ZNF26: variants seen among roughly 807,000 people sequenced by gnomAD.
ZNF26 encodes the protein zinc finger protein 26, also known as epididymis luminal protein 179.
In ZNF26, 32 loss-of-function variants were observed where a neutral mutation model predicts 54.9. The observed-to-expected ratio is 0.58, with a 90% CI of 0.44 to 0.78. The LOEUF (loss-of-function observed/expected upper bound fraction) is 0.78, where lower values mean the gene tolerates loss of function less well. Among genes scored for constraint, ZNF26 ranks in the 30% least tolerant of loss-of-function variants. The pLI, the probability that ZNF26 is intolerant of heterozygous loss-of-function variation, is 0.00. For missense variants in ZNF26, 524 were observed against 634.0 expected (o/e 0.83, Z 1.86); for synonymous variants, 221 against 209.2 (o/e 1.06, Z -0.49).
rs1388740685 is a variant in ZNF26, at chr12:133,023,355, A to G, written c.*11874A>G. ...ATGGATGTCCAATAAAATTTTAGCA[A>G]ACATTAAGGACTTGATTATCATTAT... On this transcript the variant is annotated 3_prime_UTR_variant, in exon 4 of 4. Transcript: ENST00000328654. The G allele has an allele frequency of 1.3e-5, 2 of 152,240 alleles. No individual in the cohort carries two copies. Among genetic ancestry groups the G allele is most frequent in the African/African-American group, 4.8e-5 (2 of 41,474 alleles). 9.4% of individuals were successfully genotyped at this position (152,240 alleles called of 1,614,324 possible).
At chr12:132,991,354 C>G (rs1043932300) in intron 1 of ZNF26, among the ~76,000 whole-genome samples, 5 of 151,114 alleles carry the variant, frequency 3.3e-5, no homozygotes, top group African/African-American at 1.2e-4. Context: ...AAGTTAGCGC[C>G]GGGCATGGTG....
Position 133,007,044 on chromosome 12 carries a change from A to G in ZNF26, c.36A>G (p.Gly12=). 1 of 1,614,114 alleles carries G rather than the reference A, an allele frequency of 6.2e-7. No homozygotes were observed. The highest frequency in any genetic ancestry group is 8.5e-7 in the Non-Finnish European group (1 of 1,179,998). ...GAACAGGGTGTGTGTTATTTCAGGG[A>G]TTATTGTCATTCAAGGATATATCTA... ...ATSFRTASCW[G]LLSFKDISME... Residue 12 remains glycine (G), a splice_region_variant and synonymous_variant, in exon 2 of 4, where the codon GGA becomes GGG. Transcript: ENST00000328654.
At position 133,012,604 on chromosome 12, in the gene ZNF26, T is replaced by TTTTTTTTTTTTTTTTTTTTTTC. The variant is rs1953505751; in HGVS notation, c.*1128_*1129insTTTTTTTTTTTTTTTTCTTTTT. 2.2e-5 allele frequency: 3 copies of TTTTTTTTTTTTTTTTTTTTTTC among 137,892 alleles called. 1 individual carries two copies. The highest frequency in any genetic ancestry group is 8.4e-5 in the African/African-American group (3 of 35,620). The allele number at this position is 137,892 out of a possible 1,614,324, so 8.5% of individuals were successfully genotyped here. A position where few individuals can be genotyped will look rare whatever the true frequency, so the allele number is the denominator to read the frequency against. On this transcript the variant is annotated 3_prime_UTR_variant, in exon 4 of 4. Transcript: ENST00000328654. ...TTTTTTTTTTTTTTTTTTTTTTTTTTTTTTTGAGACTAAGTTTCACTCTTG... is the reference window on the plus strand; with the variant it reads ...TTTTTTTTTTTTTTTTTTTTTTTTTTTTTTTTTTTTTTTTTTTTTTTCTTTTTGAGACTAAGTTTCACTCTTG...
At position 133,001,556 on chromosome 12, in the gene ZNF26, ATTCT is replaced by A. The variant is rs1953219152; in HGVS notation, c.34-5481_34-5478del. 3 of 823,416 alleles carry A rather than the reference ATTCT, an allele frequency of 3.6e-6. No individual in the cohort carries two copies. Among genetic ancestry groups the A allele is most frequent in the Middle Eastern group, 3.3e-4 (1 of 3,056 alleles). 51.0% of individuals were successfully genotyped at this position (823,416 alleles called of 1,614,324 possible). A position where few individuals can be genotyped will look rare whatever the true frequency, so the allele number is the denominator to read the frequency against. On this transcript the variant is annotated intron_variant, in intron 1 of 3. Coordinates refer to ENST00000328654, the MANE Select transcript of ZNF26 (RefSeq NM_019591.4). This position sits in a 1 kb window ranked among gnomAD's most constrained non-coding sequence, Gnocchi z 4.7. ...GCCCTGCAGTTCCATGGTGTATGTGATTCTTTCTCTCACTGCATGCAGACTCACC... is the reference window on the plus strand; with the variant it reads ...GCCCTGCAGTTCCATGGTGTATGTGATTCTCTCACTGCATGCAGACTCACC...
intron 1 of ZNF26, among the ~76,000 whole-genome samples, chr12:133,002,473 G>A (rs945573029): frequency 2.6e-5 from 4 of 151,934 alleles, no homozygotes; most frequent in Non-Finnish European, 5.9e-5. Flanking sequence ...CAGTCAGAGC[G>A]AGAAGCCTTT....
At position 132,986,682 on chromosome 12, in the gene ZNF26, G is replaced by C; in HGVS notation, c.-159G>C. The C allele has an allele frequency of 1.4e-6, 1 of 693,740 alleles. No homozygotes were observed. Among genetic ancestry groups the C allele is most frequent in the South Asian group, 1.8e-5 (1 of 55,938 alleles). The allele number at this position is 693,740 out of a possible 1,614,324, so 43.0% of individuals were successfully genotyped here. A position where few individuals can be genotyped will look rare whatever the true frequency, so the allele number is the denominator to read the frequency against. On this transcript the variant is annotated 5_prime_UTR_variant, in exon 1 of 4. Coordinates refer to ENST00000328654, the MANE Select transcript of ZNF26 (RefSeq NM_019591.4). The stretch of plus-strand genomic sequence containing the variant: ...CACGCGCGGTCTGTGTTGGGCGAGA[G>C]CTGAGGAGCCGGCGTCCCTGCCAAC...
Position 132,986,821 on chromosome 12 carries a change from G to T in ZNF26, c.-20G>T, listed in dbSNP as rs779136192. The T allele has an allele frequency of 2.8e-5, 45 of 1,600,426 alleles. No individual in the cohort carries two copies. Among genetic ancestry groups the T allele is most frequent in the Non-Finnish European group, 3.3e-5 (39 of 1,173,586 alleles). ...CGCGGGTCCTGCCCCCGCAGGCAGC[G>T]CGCGAACGTGGGCGTGGGGATGGCC... On this transcript the variant is annotated 5_prime_UTR_variant, in exon 1 of 4. Coordinates refer to ENST00000328654, the MANE Select transcript of ZNF26 (RefSeq NM_019591.4).
chr12:133,002,429 C>T (rs1365244157), intron 1 of ZNF26, among the ~76,000 whole-genome samples: 2 of 152,126 alleles, frequency 1.3e-5, no homozygotes, highest in Non-Finnish European at 2.9e-5. Flanking sequence ...AACCCCCTCC[C>T]TCTTCCACAG....
chr12:132,986,796 C>T lies in ZNF26; in HGVS notation c.-45C>T, dbSNP rs1389004023. The T allele has an allele frequency of 6.3e-7, 1 of 1,575,988 alleles. No individual in the cohort carries two copies. Among genetic ancestry groups the T allele is most frequent in the Non-Finnish European group, 8.6e-7 (1 of 1,159,994 alleles). ...CATCCCTCACGGTCTCTCCGCAGCCCGCGGGTCCTGCCCCCGCAGGCAGCG... is the reference window on the plus strand; with the variant it reads ...CATCCCTCACGGTCTCTCCGCAGCCTGCGGGTCCTGCCCCCGCAGGCAGCG... On this transcript the variant is annotated 5_prime_UTR_variant, in exon 1 of 4. Coordinates refer to ENST00000328654, the MANE Select transcript of ZNF26 (RefSeq NM_019591.4).
Position 133,016,105 on chromosome 12 carries a change from CTG to C in ZNF26, c.*4628_*4629del. 1 of 138,008 alleles carries C rather than the reference CTG, an allele frequency of 7.2e-6. No homozygotes were observed. The highest frequency in any genetic ancestry group is 2.3e-4 in the East Asian group (1 of 4,346). 8.5% of individuals were successfully genotyped at this position (138,008 alleles called of 1,614,324 possible). A position where few individuals can be genotyped will look rare whatever the true frequency, so the allele number is the denominator to read the frequency against. On this transcript the variant is annotated 3_prime_UTR_variant, in exon 4 of 4. Coordinates refer to ENST00000328654, the MANE Select transcript of ZNF26 (RefSeq NM_019591.4). Reference sequence around the variant, plus strand: ...TTTTTTTTTTTGAGACAGAGTCTCACTGTGTCACCCATGCTGGAGTGCAGTGG... The same window carrying C: ...TTTTTTTTTTTGAGACAGAGTCTCACTGTCACCCATGCTGGAGTGCAGTGG...
chr12:132,991,369 A>G (rs1476845440), intron 1 of ZNF26, among the ~76,000 whole-genome samples: 1 of 151,708 alleles, frequency 6.6e-6, no homozygotes, highest in African/African-American at 2.4e-5. Flanking sequence ...ATGGTGGCAC[A>G]CACCTGTAAT....
chr12:132,991,476 C>T (rs995721076), intron 1 of ZNF26, among the ~76,000 whole-genome samples: 15 of 150,706 alleles, frequency 1.0e-4, no homozygotes, highest in Non-Finnish European at 2.1e-4. Flanking sequence ...CCAGCCCGGG[C>T]GACAGAGCGA....
intron 1 of ZNF26, 53 bp downstream of exon 1, chr12:132,986,926 C>T: frequency 6.4e-7 from 1 of 1,554,406 alleles, no homozygotes; most frequent in Non-Finnish European, 8.8e-7. Context: ...AGGGTGGCCA[C>T]GTTAATCTCT....
chr12:133,000,455 C>T (rs1414207119), intron 1 of ZNF26, among the ~76,000 whole-genome samples: 3 of 127,392 alleles, frequency 2.4e-5, no homozygotes, highest in Non-Finnish European at 3.2e-5. Flanking sequence ...GATGGAATCT[C>T]GCTCTGTCAC....
chr12:133,007,224 T>G (rs1420439136), intron 2 of ZNF26, 56 bp downstream of exon 2: 2 of 1,593,706 alleles, frequency 1.3e-6, no homozygotes, highest in Middle Eastern at 1.7e-4. Context: ...GCCATCCCTT[T>G]TTTTGTTGTT....
At chr12:133,002,914 A>G (rs1408158768) in intron 1 of ZNF26, among the ~76,000 whole-genome samples, 1 of 151,954 alleles carries the variant, frequency 6.6e-6, no homozygotes, top group Non-Finnish European at 1.5e-5. Flanking sequence ...GTGAATCACC[A>G]TGCCCAGCCT....
chr12:132,991,355 G>A (rs115919505), intron 1 of ZNF26, among the ~76,000 whole-genome samples: 4,559 of 151,432 alleles, frequency 0.03, 248 homozygotes, highest in African/African-American at 0.1. Context: ...AGTTAGCGCC[G>A]GGCATGGTGG....
chr12:133,001,034 C>T lies in ZNF26; in HGVS notation c.34-6008C>T, dbSNP rs796734278. Among the ~76,000 whole-genome samples, 2,419 of 152,254 alleles carry T rather than the reference C, an allele frequency of 0.016. 70 individuals carry two copies. The highest frequency in any genetic ancestry group is 0.055 in the African/African-American group (2,272 of 41,536). On this transcript the variant is annotated intron_variant, in intron 1 of 3. Transcript: ENST00000328654. The surrounding 1 kb of genome is among the most constrained non-coding windows in gnomAD (Gnocchi z 4.7). ...TGGGCTCCGTTTCGTCTTCTGCTGT[C>T]GACCTCCAGCTTCTAATATGGTCAC...
Position 133,010,320 on chromosome 12 carries a change from A to T in ZNF26, c.441A>T (p.Arg147Ser). The T allele has an allele frequency of 1.2e-6, 2 of 1,614,032 alleles. No homozygotes were observed. Among genetic ancestry groups the T allele is most frequent in the Non-Finnish European group, 1.7e-6 (2 of 1,179,996 alleles). The change falls in exon 4 of 4, where the codon AGA (arginine) becomes AGT (serine). Residue 147 changes from arginine to serine, a missense_variant. Coordinates refer to ENST00000328654, the MANE Select transcript of ZNF26 (RefSeq NM_019591.4). ...CAGCTCCAAGCAGAAGTTATTTAAG[A>T]AAGAATCCTGATAAGTTTCATGGTT... is the stretch of plus-strand genomic sequence containing the variant. ...QNSAPSRSYL[R>S]KNPDKFHGYE... is the part of the protein sequence containing the mutation.
Sources: allele counts gnomAD v4.1 joint callset (sites outside exome capture counted in the v4.1 genomes callset), GRCh38; gene constraint gnomAD v4.1.1; non-coding constraint Gnocchi (gnomAD v3.1); transcripts MANE v1.5; gene names NCBI Gene and HGNC (gene_info 2026-07-23, HGNC 2026-07-21).